The following CLN3 variants were observed in gnomAD, a reference collection of about 807,000 sequenced individuals.
CLN3 encodes the protein battenin.
A neutral mutation model predicts 60.7 loss-of-function variants in CLN3; 49 were observed. That is an observed-to-expected ratio of 0.81 (90% CI 0.64 to 1.02). CLN3 has a LOEUF of 1.02. Ranked by LOEUF, CLN3 falls within the 50% of genes least tolerant of loss-of-function variation. The pLI is 0.00. For synonymous variants in CLN3, 256 were observed against 245.8 expected, an observed-to-expected ratio of 1.04 and a Z score of -0.39; for missense variants, 516 against 557.4, an observed-to-expected ratio of 0.93 and a Z score of 0.75.
chr16:28,480,557 C>T (rs992506214), intron 14 of CLN3, among the ~76,000 whole-genome samples: 2 of 152,054 alleles, frequency 1.3e-5, no homozygotes, highest in Admixed American at 6.6e-5. Context: ...GGTGCCACCA[C>T]GCCCAACTAA....
rs144770450 is a variant in CLN3 at position 28,487,524 on chromosome 16, C to T, written c.392G>A (p.Ser131Asn). The T allele has an allele frequency of 3.1e-4, 506 of 1,613,800 alleles. No individual in the cohort carries two copies. Among genetic ancestry groups the T allele is most frequent in the Non-Finnish European group, 4.0e-4 (471 of 1,179,950 alleles). ...GAAGCTTCCAGCAGCACAAATCCCA[C>T]TGACGAGAACCCGGGGGCTGAGGGG... ...LLPYSPRVLV[S>N]GICAAGSFVL... Residue 131 changes from serine to asparagine, a missense_variant, in exon 7 of 16, where the codon AGT (serine) becomes AAT (asparagine). Coordinates refer to ENST00000636147, the MANE Select transcript of CLN3 (RefSeq NM_001042432.2).
intron 3 of CLN3, 69 bp from the exon 4 acceptor site, chr16:28,489,455 C>T: frequency 9.4e-7 from 1 of 1,069,112 alleles, no homozygotes; most frequent in East Asian, 2.6e-5. Context: ...TGTGCCAAAC[C>T]TTCCCTTACC....
chr16:28,489,094 G>A (rs1052293238), intron 4 of CLN3, among the ~76,000 whole-genome samples, 196 bp downstream of exon 4: 13 of 152,108 alleles, frequency 8.5e-5, no homozygotes, highest in African/African-American at 2.2e-4. Context: ...TAGAGTCGGA[G>A]TTTCACCATG....
intron 10 of CLN3, 39 bp downstream of exon 10, chr16:28,483,967 A>G: frequency 6.8e-7 from 1 of 1,467,872 alleles, no homozygotes; most frequent in Non-Finnish European, 9.4e-7. Context: ...AAACCCAGAG[A>G]GAAAGAAAGT....
intron 5 of CLN3, 82 bp from the exon 6 acceptor site, chr16:28,487,823 T>C: frequency 8.8e-7 from 1 of 1,139,270 alleles, no homozygotes; most frequent in Non-Finnish European, 1.3e-6. Flanking sequence ...AGGCAGGAGC[T>C]GGCCAAACAG....
Position 28,486,432 on chromosome 16 carries a change from A to C in CLN3, c.592T>G (p.Ser198Ala). The C allele has an allele frequency of 6.2e-7, 1 of 1,613,428 alleles. No individual in the cohort carries two copies. Among genetic ancestry groups the C allele is most frequent in the Non-Finnish European group, 8.5e-7 (1 of 1,179,874 alleles). Residue 198 changes from serine to alanine, a missense_variant, in exon 9 of 16, where the codon TCC becomes GCC. Coordinates refer to ENST00000636147, the MANE Select transcript of CLN3 (RefSeq NM_001042432.2). Reference protein sequence around the residue: ...TGGAGLLGALSYLGLTQAGLS... With the variant: ...TGGAGLLGALAYLGLTQAGLS... ...CCGGCCTGGGTGAGGCCCAGGTAGG[A>C]CAGGGCCCCCAGCAGCCCAGCTCCC... is the stretch of plus-strand genomic sequence containing the variant.
chr16:28,488,486 T>G, intron 5 of CLN3, 105 bp downstream of exon 5: 1 of 1,027,724 alleles, frequency 9.7e-7, no homozygotes, highest in Non-Finnish European at 1.5e-6. Flanking sequence ...AGGTCTCAAC[T>G]GTTTTAATCA....
At chr16:28,478,048 A>C (rs1392523281) in intron 14 of CLN3, among the ~76,000 whole-genome samples, 171 bp from the exon 15 acceptor site, 3 of 152,290 alleles carry the variant, frequency 2.0e-5, no homozygotes, top group East Asian at 1.9e-4. Flanking sequence ...CTGTAATCCC[A>C]GCACTTTGGG....
downstream of CLN3, chr16:28,477,128 T>G: frequency 3.1e-6 from 1 of 319,976 alleles, no homozygotes; most frequent in Non-Finnish European, 6.1e-6. Flanking sequence ...AGAGTGAGAC[T>G]CTGTCAAAAC....
At chr16:28,486,864 G>A in intron 7 of CLN3, 1 of 631,598 alleles carries the variant, frequency 1.6e-6, no homozygotes, top group Non-Finnish European at 2.9e-6. Flanking sequence ...TATCAGACCA[G>A]GGGCAGACAT....
chr16:28,482,311 C>T lies in CLN3; in HGVS notation c.962+16G>A. ...ACCACGGCGCCCTCCCAGCCCACTG[C>T]CCTCGCTCCTCTTACCAGCGGTATT... On this transcript the variant is annotated intron_variant, in intron 13 of 15. Transcript: ENST00000636147. The T allele has an allele frequency of 6.2e-7, 1 of 1,612,854 alleles. No individual in the cohort carries two copies. Among genetic ancestry groups the T allele is most frequent in the African/African-American group, 1.3e-5 (1 of 75,044 alleles).
downstream of CLN3, among the ~76,000 whole-genome samples, chr16:28,471,964 A>C (rs1364601587): frequency 6.6e-6 from 1 of 152,058 alleles, no homozygotes; most frequent in Non-Finnish European, 1.5e-5. Context: ...TGGAAGATGG[A>C]GTTTGCAGTG....
chr16:28,484,281 A>G (rs367970674), intron 9 of CLN3, 163 bp from the exon 10 acceptor site: 9 of 654,482 alleles, frequency 1.4e-5, no homozygotes, highest in East Asian at 2.7e-5. Flanking sequence ...GAGAGCTCCA[A>G]TTGTGGACAA....
chr16:28,488,111 G>T, intron 5 of CLN3: 1 of 236,216 alleles, frequency 4.2e-6, no homozygotes, highest in Admixed American at 5.0e-5. Context: ...CTCGATCTTG[G>T]CTCACTACAA....
intron 5 of CLN3, chr16:28,488,046 A>G (rs2046251580): frequency 3.1e-6 from 1 of 317,694 alleles, no homozygotes; most frequent in Non-Finnish European, 6.1e-6. Context: ...GAAACTATAT[A>G]TATATATATT....
At chr16:28,486,798 G>C (rs1292536850) in intron 7 of CLN3, 148 bp from the exon 8 acceptor site, 1 of 765,244 alleles carries the variant, frequency 1.3e-6, no homozygotes, top group East Asian at 2.7e-5. Flanking sequence ...GTCTGAAGCA[G>C]AGCCCCACTC....
chr16:28,482,053 A>G (rs941518449), intron 14 of CLN3, 52 bp downstream of exon 14: 15 of 1,394,662 alleles, frequency 1.1e-5, no homozygotes, highest in Non-Finnish European at 1.5e-5. Context: ...GGAAGCTGGG[A>G]GCCAAGCTGG....
chr16:28,486,481 G>T lies in CLN3; in HGVS notation c.543C>A (p.Ile181=). Residue 181 remains isoleucine (I), a synonymous_variant, in exon 9 of 16, where the codon ATC becomes ATA. Transcript: ENST00000636147. ...CCCCAGTCCCTGAGGACCACCAGGA[G>T]ATCACGGCCCTGGGAAGGAGAACAC... ...SLTAFYPRAV[I]SWWSSGTGGA... 1 of 1,612,922 alleles carries T rather than the reference G, an allele frequency of 6.2e-7. No individual in the cohort carries two copies. The highest frequency in any genetic ancestry group is 8.5e-7 in the Non-Finnish European group (1 of 1,179,576).
chr16:28,485,571 CAAAAAAAAAAAAAAA>C (rs67148714), intron 9 of CLN3, among the ~76,000 whole-genome samples: 4 of 11,768 alleles, frequency 3.4e-4, no homozygotes, highest in African/African-American at 9.0e-4. Flanking sequence ...GACTCCGTCT[CAAAAAAAAAAAAAAA>C]AAAAAAAAAA....
Sources: gnomAD v4.1 joint callset for allele counts (sites outside exome capture counted in the v4.1 genomes callset) on GRCh38, gnomAD v4.1.1 for gene constraint, MANE v1.5 for transcripts, NCBI Gene and HGNC (gene_info 2026-07-23, HGNC 2026-07-21) for gene names.